IL17RD: variants seen among roughly 807,000 people sequenced by gnomAD.
IL17RD encodes interleukin 17 receptor D, also known as interleukin-17 receptor D.
In IL17RD, 52 loss-of-function variants were observed where a neutral mutation model predicts 80.5. That is an observed-to-expected ratio of 0.65 (90% CI 0.52 to 0.81). The LOEUF is 0.81. Among genes scored for constraint, IL17RD ranks in the 40% least tolerant of loss-of-function variants. IL17RD has a pLI of 0.00. For missense variants in IL17RD, 1,024 were observed against 955.1 expected (o/e 1.07, Z -0.95); for synonymous variants, 416 against 391.8 (o/e 1.06, Z -0.73).
At chr3:57,167,688 C>T (rs1031829197), upstream of IL17RD, among the ~76,000 whole-genome samples, 1 of 152,226 alleles carries the variant, frequency 6.6e-6, no homozygotes, top group Non-Finnish European at 1.5e-5. Flanking sequence ...TGATTTTATA[C>T]ATTTCTAGAA....
intron 1 of IL17RD, among the ~76,000 whole-genome samples, chr3:57,147,822 A>G (rs1356599909): frequency 6.6e-6 from 1 of 152,224 alleles, no homozygotes; most frequent in Non-Finnish European, 1.5e-5. Flanking sequence ...TGATTATAGC[A>G]GCTATGCAAC....
At chr3:57,123,733 A>C (rs1260859623) in intron 1 of IL17RD, among the ~76,000 whole-genome samples, 1 of 152,184 alleles carries the variant, frequency 6.6e-6, no homozygotes, top group East Asian at 1.9e-4. Context: ...CCCAGGTATT[A>C]GTTCTTACAT....
rs764149889 is a variant in IL17RD, at chr3:57,165,254, G to C, written c.33C>G (p.Phe11Leu). 1.3e-4 allele frequency: 198 copies of C among 1,526,654 alleles called. 1 individual carries two copies. The highest frequency in any genetic ancestry group is 6.1e-5 in the Admixed American group (3 of 49,134). The allele number at this position is 1,526,654 out of a possible 1,614,324, so 94.6% of individuals were successfully genotyped here. A position where few individuals can be genotyped will look rare whatever the true frequency, so the allele number is the denominator to read the frequency against. MAPWLQLCSV[F>L]FTVNACLNGS... ...CGTTGAGGCAGGCGTTGACCGTAAAGAAGACGGAGCAGAGCTGCAGCCACG... is the reference window on the plus strand; with the variant it reads ...CGTTGAGGCAGGCGTTGACCGTAAACAAGACGGAGCAGAGCTGCAGCCACG... Residue 11 changes from phenylalanine to leucine, a missense_variant, in exon 1 of 13, where the codon TTC becomes TTG. By Grantham distance (22) the Phe-to-Leu change is conservative. Transcript: ENST00000296318.
intron 12 of IL17RD, among the ~76,000 whole-genome samples, chr3:57,096,741 G>A (rs1706686664): frequency 6.6e-6 from 1 of 152,158 alleles, no homozygotes; most frequent in African/African-American, 2.4e-5. Context: ...CGGGCGCAGT[G>A]GCTCACGCCT....
intron 1 of IL17RD, chr3:57,134,240 C>A: frequency 1.4e-6 from 1 of 691,638 alleles, no homozygotes; most frequent in Non-Finnish European, 2.7e-6. Flanking sequence ...TCGCCAATGC[C>A]AACTTCCATC....
At chr3:57,117,355 C>T (rs1452041792) in intron 2 of IL17RD, among the ~76,000 whole-genome samples, 4 of 152,128 alleles carry the variant, frequency 2.6e-5, no homozygotes, top group Non-Finnish European at 5.9e-5. Flanking sequence ...CTCAGGTGAT[C>T]CACCCGCTTT....
At chr3:57,103,893 C>T (rs955870530) in intron 8 of IL17RD, among the ~76,000 whole-genome samples, 15 of 151,954 alleles carry the variant, frequency 9.9e-5, no homozygotes, top group African/African-American at 3.6e-4. Flanking sequence ...TTAGAAGAGA[C>T]GGGGTTTCAC....
chr3:57,125,290 C>T (rs1197357582), intron 1 of IL17RD, among the ~76,000 whole-genome samples: 1 of 152,024 alleles, frequency 6.6e-6, no homozygotes, highest in East Asian at 1.9e-4. Context: ...GCCTGTAATC[C>T]CAGCTACTTG....
intron 7 of IL17RD, among the ~76,000 whole-genome samples, chr3:57,105,053 G>A (rs1211756919): frequency 6.6e-6 from 1 of 152,132 alleles, no homozygotes; most frequent in Non-Finnish European, 1.5e-5. Flanking sequence ...TCAGTGGCTT[G>A]GCTCCTAGAT....
At chr3:57,103,222 A>AC (rs1706878156) in intron 8 of IL17RD, 77 bp from the exon 9 acceptor site, 5 of 1,290,792 alleles carry the variant, frequency 3.9e-6, no homozygotes, top group African/African-American at 1.5e-5. Context: ...TGGTAATTTC[A>AC]TTCATCTTTT....
Position 57,106,025 on chromosome 3 carries a change from C to T in IL17RD, c.596-17G>A. 1 of 1,613,590 alleles carries T rather than the reference C, an allele frequency of 6.2e-7. No homozygotes were observed. Among genetic ancestry groups the T allele is most frequent in the South Asian group, 1.1e-5 (1 of 91,024 alleles). Reference sequence around the variant, plus strand: ...GCTTCCAGACTGGAAGAAGGTAGGACCCAGAGTGAGCAACCAGAGGCTACC... The same window carrying T: ...GCTTCCAGACTGGAAGAAGGTAGGATCCAGAGTGAGCAACCAGAGGCTACC... On this transcript the variant is annotated splice_polypyrimidine_tract_variant and intron_variant, in intron 6 of 12. Transcript: ENST00000296318.
At chr3:57,120,348 A>T (rs1490748701) in intron 1 of IL17RD, 35 bp from the exon 2 acceptor site, 15 of 1,547,316 alleles carry the variant, frequency 9.7e-6, no homozygotes, top group Non-Finnish European at 1.3e-5. Flanking sequence ...TGCAGAGTGA[A>T]GCCAATTTGC....
chr3:57,164,800 C>A (rs1157729300), intron 1 of IL17RD: 18 of 767,134 alleles, frequency 2.3e-5, no homozygotes, highest in Non-Finnish European at 2.8e-5. Flanking sequence ...CGGGGGATCC[C>A]AGCCCGGGAC....
At chr3:57,136,916 T>C (rs911081843) in intron 1 of IL17RD, among the ~76,000 whole-genome samples, 1 of 152,164 alleles carries the variant, frequency 6.6e-6, no homozygotes, top group Admixed American at 6.5e-5. Flanking sequence ...AAGGTTACAC[T>C]GCCTAGAATG....
chr3:57,167,580 G>A (rs573667090), upstream of IL17RD, among the ~76,000 whole-genome samples: 5 of 152,246 alleles, frequency 3.3e-5, no homozygotes, highest in Non-Finnish European at 4.4e-5. Flanking sequence ...GCCTATACAT[G>A]CTTTATAACT....
In IL17RD at chr3:57,109,545, C is replaced by T; in HGVS notation, c.542G>A (p.Arg181Lys). Residue 181 changes from arginine to lysine, a missense_variant, in exon 5 of 13, where the codon AGA (arginine) becomes AAA (lysine). Physicochemically the swap from Arg to Lys is conservative, Grantham distance 26. Coordinates refer to ENST00000296318, the MANE Select transcript of IL17RD (RefSeq NM_017563.5). ...NESNYHPFFFRTRACDLLLQP... is the reference protein window; with the variant it reads ...NESNYHPFFFKTRACDLLLQP... Reference sequence around the variant, plus strand: ...GGAAAGGCCATACTCACCTCGGGTTCTAAAGAAGAAAGGGTGGTAATTGCT... The same window carrying T: ...GGAAAGGCCATACTCACCTCGGGTTTTAAAGAAGAAAGGGTGGTAATTGCT... 1 of 1,613,528 alleles carries T rather than the reference C, an allele frequency of 6.2e-7. No homozygotes were observed. The highest frequency in any genetic ancestry group is 8.5e-7 in the Non-Finnish European group (1 of 1,179,726).
intron 7 of IL17RD, among the ~76,000 whole-genome samples, chr3:57,105,552 A>AATATATATATATATATATAT (rs1553623051): frequency 1.1e-4 from 7 of 63,580 alleles, no homozygotes; most frequent in South Asian, 1.2e-3. Context: ...AAAAAAAAAA[A>AATATATATATATATATATAT]ATATATATAT....
chr3:57,121,507 A>G (rs1707337160), intron 1 of IL17RD, among the ~76,000 whole-genome samples: 1 of 152,162 alleles, frequency 6.6e-6, no homozygotes, highest in Non-Finnish European at 1.5e-5. Flanking sequence ...AAGGTGAGGA[A>G]TAAGTAACAG....
At chr3:57,152,928 C>T (rs187132687) in intron 1 of IL17RD, among the ~76,000 whole-genome samples, 7 of 152,214 alleles carry the variant, frequency 4.6e-5, no homozygotes, top group Admixed American at 2.6e-4. Flanking sequence ...AGCAGTCAAC[C>T]GTAAACCTGC....
Sources: gnomAD v4.1 joint callset for allele counts (sites outside exome capture counted in the v4.1 genomes callset) on GRCh38, gnomAD v4.1.1 for gene constraint, MANE v1.5 for transcripts, NCBI Gene and HGNC (gene_info 2026-07-23, HGNC 2026-07-21) for gene names.